Variants in TEX9 observed in about 807,000 individuals in gnomAD.
The protein encoded by TEX9 is testis expressed 9.
TEX9 carries 74 observed loss-of-function variants against 59.6 expected under a neutral mutation model. That is an observed-to-expected ratio of 1.24 (90% CI 1.03 to 1.51). TEX9 has a LOEUF of 1.51. TEX9 is among the 40% of genes most tolerant of loss of function. TEX9 has a pLI of 0.00. For missense variants in TEX9, 522 were observed against 447.8 expected, an observed-to-expected ratio of 1.17 and a Z score of -1.49; for synonymous variants, 186 against 152.2, an observed-to-expected ratio of 1.22 and a Z score of -1.64.
chr15:56,259,536 A>T (rs2044217783), intron 1 of TEX9, among the ~76,000 whole-genome samples: 1 of 152,074 alleles, frequency 6.6e-6, no homozygotes, highest in African/African-American at 2.4e-5. Flanking sequence ...TTGCAGTGGC[A>T]TCATTGTTGT....
At chr15:56,441,876 C>T (rs144017194) in intron 12 of TEX9, among the ~76,000 whole-genome samples, 4,452 of 151,812 alleles carry the variant, frequency 0.029, 242 homozygotes, top group African/African-American at 0.1. Context: ...AAAAATTAGC[C>T]GGGCATGGTG....
intron 1 of TEX9, among the ~76,000 whole-genome samples, chr15:56,263,529 A>G (rs1443382013): frequency 6.6e-6 from 1 of 150,620 alleles, no homozygotes; most frequent in Non-Finnish European, 1.5e-5. Context: ...TTCTTTCTTT[A>G]TTCGTTGTTC....
chr15:56,440,636 A>C (rs1454830296), intron 12 of TEX9, among the ~76,000 whole-genome samples: 1 of 152,204 alleles, frequency 6.6e-6, no homozygotes, highest in Admixed American at 6.5e-5. Flanking sequence ...CTCAGCAAAA[A>C]AAGGGAACAA....
intron 1 of TEX9, among the ~76,000 whole-genome samples, chr15:56,351,952 G>T (rs1248102277): frequency 6.6e-6 from 1 of 152,090 alleles, no homozygotes; most frequent in Non-Finnish European, 1.5e-5. Flanking sequence ...ACATAACTTT[G>T]TTAACAAGGC....
At chr15:56,432,556 C>T (rs1035872152) in intron 12 of TEX9, among the ~76,000 whole-genome samples, 10 of 152,082 alleles carry the variant, frequency 6.6e-5, no homozygotes, top group African/African-American at 2.4e-4. Context: ...CAAAACTAAG[C>T]CGACAGCTTC....
intron 1 of TEX9, among the ~76,000 whole-genome samples, chr15:56,294,074 C>T (rs1482590478): frequency 5.9e-5 from 9 of 152,200 alleles, no homozygotes; most frequent in Non-Finnish European, 1.3e-4. Context: ...TAAACTCTCA[C>T]ACCTGGCTTG....
At chr15:56,316,713 T>G (rs2045776398) in intron 1 of TEX9, among the ~76,000 whole-genome samples, 2 of 152,200 alleles carry the variant, frequency 1.3e-5, no homozygotes, top group African/African-American at 2.4e-5. Context: ...GTTTACCTAA[T>G]CAAGCCTGGG....
At chr15:56,457,455 A>G in the TEX9 span, among the ~76,000 whole-genome samples, 6 of 152,222 alleles carry the variant, frequency 3.9e-5, no homozygotes, top group African/African-American at 1.4e-4. Context: ...GCAAGAAACT[A>G]TCACTCATAT....
At chr15:56,427,862 TCATA>T (rs2050387375) in intron 11 of TEX9, 123 bp downstream of exon 11, 1 of 696,714 alleles carries the variant, frequency 1.4e-6, no homozygotes, top group South Asian at 2.6e-5. Flanking sequence ...ATAAAATGCA[TCATA>T]CATATGAAAT....
chr15:56,317,972 A>G (rs961118318), intron 1 of TEX9, among the ~76,000 whole-genome samples: 1 of 152,156 alleles, frequency 6.6e-6, no homozygotes, highest in East Asian at 1.9e-4. Flanking sequence ...TTGAGGTGGA[A>G]TGTTCATAGA....
chr15:56,444,249 A>G (rs1423864546), intron 12 of TEX9, among the ~76,000 whole-genome samples: 1 of 152,094 alleles, frequency 6.6e-6, no homozygotes, highest in Non-Finnish European at 1.5e-5. Flanking sequence ...TTTATTAATC[A>G]TCAGATAATT....
chr15:56,330,615 A>G (rs2046120135), intron 1 of TEX9, among the ~76,000 whole-genome samples: 1 of 152,132 alleles, frequency 6.6e-6, no homozygotes. Flanking sequence ...AAAATAATGG[A>G]TTATATAATA....
At chr15:56,272,881 CT>C (rs2044570987) in intron 1 of TEX9, among the ~76,000 whole-genome samples, 1 of 151,350 alleles carries the variant, frequency 6.6e-6, no homozygotes, top group Non-Finnish European at 1.5e-5. Flanking sequence ...CTCTTTCTGT[CT>C]TTTTCTGTCT....
chr15:56,383,805 T>C (rs1353604716), intron 3 of TEX9, 147 bp from the exon 4 acceptor site: 1 of 550,384 alleles, frequency 1.8e-6, no homozygotes, highest in Non-Finnish European at 3.2e-6. Flanking sequence ...CTTATCTTCA[T>C]ACTATAGCAT....
At chr15:56,310,763 T>C (rs1221773218) in intron 1 of TEX9, among the ~76,000 whole-genome samples, 2 of 151,976 alleles carry the variant, frequency 1.3e-5, no homozygotes, top group African/African-American at 2.4e-5. Flanking sequence ...AAAAAGAGGG[T>C]CAGGGAGCAC....
intron 12 of TEX9, among the ~76,000 whole-genome samples, chr15:56,431,091 T>C (rs1325506311): frequency 6.6e-6 from 1 of 152,090 alleles, no homozygotes; most frequent in Non-Finnish European, 1.5e-5. Context: ...GAGGCAGAGG[T>C]TGCAGTAAGC....
At chr15:56,368,353 A>G (rs1180916689) in intron 2 of TEX9, among the ~76,000 whole-genome samples, 3 of 152,092 alleles carry the variant, frequency 2.0e-5, no homozygotes, top group African/African-American at 4.8e-5. Flanking sequence ...TTTTGCATCT[A>G]TGAACAAAAG....
At position 56,415,845 on chromosome 15, in the gene TEX9, A is replaced by G. The variant is rs1353225341; in HGVS notation, c.963+3409A>G. 6.6e-5 allele frequency among the ~76,000 whole-genome samples: 10 copies of G among 151,660 alleles called. 1 individual carries two copies. Among genetic ancestry groups the G allele is most frequent in the African/African-American group, 2.4e-4 (10 of 41,090 alleles). ...CGCTTTGGGCAGTATAGGCATTTTAATAAGTGTTCCTATCAGTGAGCATGG... is the reference window on the plus strand; with the variant it reads ...CGCTTTGGGCAGTATAGGCATTTTAGTAAGTGTTCCTATCAGTGAGCATGG... On this transcript the variant is annotated intron_variant, in intron 10 of 12. Transcript: ENST00000352903.
At chr15:56,342,979 G>A (rs1194313888) in intron 1 of TEX9, among the ~76,000 whole-genome samples, 1 of 152,134 alleles carries the variant, frequency 6.6e-6, no homozygotes, top group Non-Finnish European at 1.5e-5. Flanking sequence ...AATTTATCTT[G>A]CAAGGCTTCA....
Sources: gnomAD v4.1 joint callset for allele counts (sites outside exome capture counted in the v4.1 genomes callset) on GRCh38, gnomAD v4.1.1 for gene constraint, MANE v1.5 for transcripts, NCBI Gene and HGNC (gene_info 2026-07-23, HGNC 2026-07-21) for gene names.